Variants in PEX5L observed in about 807,000 individuals in gnomAD.
PEX5L encodes the protein PEX5-related protein.
Under a neutral mutation model 84.0 loss-of-function variants are expected in PEX5L, and 30 were observed. The ratio of observed to expected loss-of-function variants is 0.36; its 90% CI spans 0.27 to 0.48. The LOEUF (loss-of-function observed/expected upper bound fraction) is 0.48. Among genes scored for constraint, PEX5L ranks in the 20% least tolerant of loss-of-function variants. PEX5L has a pLI of 0.99. For missense variants in PEX5L, 533 were observed against 754.6 expected (o/e 0.71, Z 3.44); for synonymous variants, 270 against 283.1 (o/e 0.95, Z 0.46).
intron 1 of PEX5L, chr3:179,973,682 G>A (rs1255204186): frequency 4.1e-6 from 4 of 985,098 alleles, no homozygotes; most frequent in Non-Finnish European, 4.8e-6. Context: ...AACATCATTC[G>A]AAACTGCAAC....
At chr3:179,902,890 A>G (rs1761890210) in intron 2 of PEX5L, among the ~76,000 whole-genome samples, 1 of 152,198 alleles carries the variant, frequency 6.6e-6, no homozygotes, top group African/African-American at 2.4e-5. Flanking sequence ...GTAAAAGACT[A>G]CAATACTAGA....
chr3:179,917,677 T>C (rs771480327), intron 2 of PEX5L, among the ~76,000 whole-genome samples: 1 of 151,112 alleles, frequency 6.6e-6, no homozygotes, highest in Non-Finnish European at 1.5e-5. Context: ...TGAGACGGAG[T>C]TTTGCTTTTT....
chr3:179,955,740 C>A (rs965570826), intron 2 of PEX5L, among the ~76,000 whole-genome samples: 2 of 151,902 alleles, frequency 1.3e-5, no homozygotes, highest in Non-Finnish European at 2.9e-5. Context: ...TCTTTTGGGG[C>A]AGTTGAAAAA....
chr3:179,796,529 CTT>C lies in PEX5L; in HGVS notation c.*5297_*5298del, dbSNP rs1491294423. On this transcript the variant is annotated 3_prime_UTR_variant, in exon 15 of 15. Transcript: ENST00000467460. The stretch of plus-strand genomic sequence containing the variant: ...AATTTTCTGTGTTTTTTTTTTTCCT[CTT>C]AACTGTTTAATGCCTCCCCACAATC... 2.1e-4 allele frequency: 32 copies of C among 150,702 alleles called. No individual in the cohort carries two copies. Among genetic ancestry groups the C allele is most frequent in the African/African-American group, 7.8e-4 (32 of 40,954 alleles). The allele number at this position is 150,702 out of a possible 1,614,324, so 9.3% of individuals were successfully genotyped here. A position where few individuals can be genotyped will look rare whatever the true frequency, so the allele number is the denominator to read the frequency against.
chr3:179,944,238 G>T (rs1011357753), intron 2 of PEX5L, among the ~76,000 whole-genome samples: 6 of 152,316 alleles, frequency 3.9e-5, no homozygotes, highest in Non-Finnish European at 8.8e-5. Flanking sequence ...GATGATAGCA[G>T]ACTGCTACTT....
chr3:179,935,820 T>C (rs1191432159), intron 2 of PEX5L, among the ~76,000 whole-genome samples: 1 of 152,186 alleles, frequency 6.6e-6, no homozygotes, highest in Non-Finnish European at 1.5e-5. Context: ...ATTCTTGTGA[T>C]AGTGAATTCT....
intron 1 of PEX5L, among the ~76,000 whole-genome samples, chr3:180,022,722 G>A (rs1454701017): frequency 3.9e-5 from 6 of 152,188 alleles, no homozygotes; most frequent in South Asian, 4.2e-4. Flanking sequence ...TCTGAGCTCC[G>A]ATTAATCCCA....
intron 2 of PEX5L, among the ~76,000 whole-genome samples, chr3:179,933,818 C>G (rs1773807336): frequency 6.6e-6 from 1 of 152,222 alleles, no homozygotes; most frequent in South Asian, 2.1e-4. Flanking sequence ...TTCAGTAGGC[C>G]TTTGCAGAGT....
intron 1 of PEX5L, among the ~76,000 whole-genome samples, chr3:180,004,139 T>C (rs147594333): frequency 9.4e-4 from 143 of 152,298 alleles, no homozygotes; most frequent in African/African-American, 3.3e-3. Context: ...TTTTTGCCGT[T>C]GAACTGACTA....
chr3:180,018,853 T>C (rs1032044060), intron 1 of PEX5L, among the ~76,000 whole-genome samples: 3 of 151,760 alleles, frequency 2.0e-5, no homozygotes, highest in African/African-American at 7.3e-5. Flanking sequence ...TGCTGCAGAT[T>C]CAATTTGTTC....
chr3:179,998,056 T>C (rs894563282), intron 1 of PEX5L, among the ~76,000 whole-genome samples: 4 of 152,198 alleles, frequency 2.6e-5, no homozygotes, highest in Non-Finnish European at 5.9e-5. Context: ...ACTGGAGTTA[T>C]TGGTGAAACA....
intron 6 of PEX5L, 95 bp from the exon 7 acceptor site, chr3:179,874,518 C>T (rs1340833783): frequency 3.0e-6 from 2 of 655,804 alleles, no homozygotes; most frequent in Non-Finnish European, 5.4e-6. Context: ...TCATTGAAAG[C>T]CATGATGTCA....
chr3:179,861,002 G>A (rs961703143), intron 7 of PEX5L, among the ~76,000 whole-genome samples: 18 of 152,304 alleles, frequency 1.2e-4, no homozygotes, highest in African/African-American at 3.6e-4. Flanking sequence ...CAACAACGAA[G>A]CCCTAAGAAT....
At chr3:179,814,200 AAGAT>A (rs1033348717) in intron 10 of PEX5L, among the ~76,000 whole-genome samples, 25 of 152,322 alleles carry the variant, frequency 1.6e-4, no homozygotes, top group African/African-American at 6.0e-4. Context: ...CCTTTTGAAC[AAGAT>A]ATTACAAGAT....
intron 2 of PEX5L, among the ~76,000 whole-genome samples, chr3:179,916,324 G>A (rs574110438): frequency 2.0e-5 from 3 of 152,224 alleles, no homozygotes; most frequent in East Asian, 1.9e-4. Flanking sequence ...CATATAGCAC[G>A]TAACTGTACT....
chr3:179,979,365 A>T (rs1488982234), intron 1 of PEX5L, among the ~76,000 whole-genome samples: 4 of 152,182 alleles, frequency 2.6e-5, no homozygotes, highest in Admixed American at 2.6e-4. Context: ...TATAAATGTA[A>T]TCATAGGATG....
intron 8 of PEX5L, among the ~76,000 whole-genome samples, chr3:179,840,194 T>TG (rs1463081954): frequency 2.1e-4 from 30 of 144,804 alleles, no homozygotes; most frequent in South Asian, 4.6e-4. Context: ...TTTTTTTTTT[T>TG]TTTTTTTTTT....
At chr3:179,871,707 T>C (rs1273660872) in intron 7 of PEX5L, among the ~76,000 whole-genome samples, 1 of 152,164 alleles carries the variant, frequency 6.6e-6, no homozygotes, top group African/African-American at 2.4e-5. Context: ...GTAACCAATA[T>C]GGCTGTTTCT....
chr3:179,855,234 T>G (rs895412194), intron 8 of PEX5L, among the ~76,000 whole-genome samples: 1 of 152,108 alleles, frequency 6.6e-6, no homozygotes, highest in Admixed American at 6.6e-5. Context: ...GAATGTAAAA[T>G]AGGAAGAACG....
Sources: allele counts gnomAD v4.1 joint callset (sites outside exome capture counted in the v4.1 genomes callset), GRCh38; gene constraint gnomAD v4.1.1; transcripts MANE v1.5; gene names NCBI Gene and HGNC (gene_info 2026-07-23, HGNC 2026-07-21).